The following ATP13A3 variants were observed in gnomAD, a reference collection of about 807,000 sequenced individuals.
ATP13A3 encodes ATPase 13A3, also known as polyamine-transporting ATPase 13A3.
A neutral mutation model predicts 158.1 loss-of-function variants in ATP13A3; 59 were observed. That is an observed-to-expected ratio of 0.37 (90% CI 0.30 to 0.46). The LOEUF is 0.46. ATP13A3 is among the 20% of genes least tolerant of loss of function. The probability of loss-of-function intolerance (pLI) is 1.00; values close to 1 mark genes in which losing one functional copy is unlikely to be tolerated. For synonymous variants in ATP13A3, 491 were observed against 504.3 expected, an observed-to-expected ratio of 0.97 and a Z score of 0.35; for missense variants, 1,166 against 1,525.2, an observed-to-expected ratio of 0.76 and a Z score of 3.92.
upstream of ATP13A3, among the ~76,000 whole-genome samples, chr3:194,490,047 A>G (rs1721127482): frequency 6.6e-6 from 1 of 152,166 alleles, no homozygotes; most frequent in African/African-American, 2.4e-5. This position sits in a 1 kb window ranked among gnomAD's most constrained non-coding sequence, Gnocchi z 4.4. Flanking sequence ...GGTAACAGTC[A>G]TACCAGTAAG....
chr3:194,443,723 G>T (rs898729901), intron 15 of ATP13A3, among the ~76,000 whole-genome samples: 26 of 152,040 alleles, frequency 1.7e-4, no homozygotes, highest in African/African-American at 6.3e-4. Context: ...GACAGGGGGA[G>T]GGGGGAAGAC....
intron 6 of ATP13A3, among the ~76,000 whole-genome samples, chr3:194,458,185 G>A (rs1719376491): frequency 6.6e-6 from 1 of 151,936 alleles, no homozygotes; most frequent in Non-Finnish European, 1.5e-5. Context: ...TTTCCACATA[G>A]GAAAGCTAAG....
chr3:194,459,547 G>C lies in ATP13A3; in HGVS notation c.409-6C>G. 1 of 1,596,842 alleles carries C rather than the reference G, an allele frequency of 6.3e-7. No individual in the cohort carries two copies. The highest frequency in any genetic ancestry group is 8.6e-7 in the Non-Finnish European group (1 of 1,165,568). On this transcript the variant is annotated splice_polypyrimidine_tract_variant and splice_region_variant and intron_variant, in intron 5 of 33. Coordinates refer to ENST00000645319, the MANE Select transcript of ATP13A3 (RefSeq NM_001367549.1). ...TGGTGGGTGAAATAACGAATCTGTGGAACACAAATAAACGTTACACCAAAA... is the reference window on the plus strand; with the variant it reads ...TGGTGGGTGAAATAACGAATCTGTGCAACACAAATAAACGTTACACCAAAA...
At chr3:194,475,706 T>TA (rs1426352836) in intron 2 of ATP13A3, among the ~76,000 whole-genome samples, 2 of 151,984 alleles carry the variant, frequency 1.3e-5, no homozygotes, top group Admixed American at 6.6e-5. Flanking sequence ...ATCCAGGATT[T>TA]AAAAAAAACC....
In ATP13A3 at chr3:194,431,190, C is replaced by T. The variant is rs1372420689; in HGVS notation, c.2458G>A (p.Asp820Asn). 6.8e-6 allele frequency: 11 copies of T among 1,613,656 alleles called. No individual in the cohort carries two copies. Among genetic ancestry groups the T allele is most frequent in the Non-Finnish European group, 9.3e-6 (11 of 1,179,616 alleles). ...AAATGATAACGAGTCATTTGAAGAT[C>T]CTCTAAGCTATCATGGACCAATTTA... The part of the protein sequence containing the change: ...PVKLVHDSLE[D>N]LQMTRYHFAM... The change falls in exon 23 of 34, where the codon GAT becomes AAT. Residue 820 changes from aspartate (D) to asparagine (N), a missense_variant. Asp to Asn is a conservative substitution (Grantham distance 23). Around this residue, in one of 3 missense-constraint regions of ATP13A3, gnomAD observed 997 missense variants for 1,341.2 expected, o/e 0.74. Coordinates refer to ENST00000645319, the MANE Select transcript of ATP13A3 (RefSeq NM_001367549.1).
At chr3:194,432,041 T>C in intron 21 of ATP13A3, 149 bp from the exon 22 acceptor site, 1 of 632,192 alleles carries the variant, frequency 1.6e-6, no homozygotes, top group Non-Finnish European at 2.4e-6. Flanking sequence ...AGTTTAAAAA[T>C]AACAAAATTG....
At chr3:194,440,935 A>G (rs7650812) in intron 16 of ATP13A3, among the ~76,000 whole-genome samples, 14,039 of 152,272 alleles carry the variant, frequency 0.092, 977 homozygotes, top group African/African-American at 0.19. Flanking sequence ...AAGACAGGTA[A>G]AAAAGAGCAA....
chr3:194,410,961 TG>T (rs1437359471), intron 33 of ATP13A3, among the ~76,000 whole-genome samples: 2,309 of 151,256 alleles, frequency 0.015, 67 homozygotes, highest in African/African-American at 0.054. Context: ...TGTGTGTGTG[TG>T]TGTGTGTGTA....
At chr3:194,466,914 C>T (rs1042606289) in intron 2 of ATP13A3, among the ~76,000 whole-genome samples, 4 of 152,220 alleles carry the variant, frequency 2.6e-5, no homozygotes, top group African/African-American at 9.6e-5. Context: ...ATTTCTGGCA[C>T]AGAGGGCCAC....
chr3:194,462,949 C>T (rs1474673733), intron 2 of ATP13A3, among the ~76,000 whole-genome samples: 1 of 152,178 alleles, frequency 6.6e-6, no homozygotes, highest in Admixed American at 6.5e-5. Context: ...TCCACAGATT[C>T]AGAAGTAGTG....
At chr3:194,431,345 T>G in intron 22 of ATP13A3, 119 bp from the exon 23 acceptor site, 1 of 1,196,632 alleles carries the variant, frequency 8.4e-7, no homozygotes, top group Non-Finnish European at 1.1e-6. Context: ...CACAACATGA[T>G]GAAAGCCGGA....
rs896150381 is a variant in ATP13A3 at position 194,403,918 on chromosome 3, G to C, written c.*2001C>G. The C allele has an allele frequency of 4.0e-5, 4 of 98,888 alleles. No individual in the cohort carries two copies. The highest frequency in any genetic ancestry group is 3.5e-4 in the Admixed American group (3 of 8,632). 6.1% of individuals were successfully genotyped at this position (98,888 alleles called of 1,614,324 possible). A position where few individuals can be genotyped will look rare whatever the true frequency, so the allele number is the denominator to read the frequency against. Reference sequence around the variant, plus strand: ...TACTAACTCTAAATGTTAAAAAAGTGGGGGGGGGGTGTCAAAAATAGCTCT... The same window carrying C: ...TACTAACTCTAAATGTTAAAAAAGTCGGGGGGGGGTGTCAAAAATAGCTCT... On this transcript the variant is annotated 3_prime_UTR_variant, in exon 34 of 34. Transcript: ENST00000645319.
chr3:194,468,386 T>TAAAAAAAAA lies in ATP13A3; in HGVS notation c.-46-6159_-46-6151dup, dbSNP rs35011462. 2.7e-5 allele frequency: 3 copies of TAAAAAAAAA among 111,878 alleles called. 1 individual carries two copies. The highest frequency in any genetic ancestry group is 1.2e-4 in the African/African-American group (3 of 25,410). The allele number at this position is 111,878 out of a possible 1,614,324, so 6.9% of individuals were successfully genotyped here. A position where few individuals can be genotyped will look rare whatever the true frequency, so the allele number is the denominator to read the frequency against. Reference sequence around the variant, plus strand: ...ATAAACTTGATTTGCTGTGTGAGTTTAAAAAAAAAAAAAAAAAAACAGTAT... The same window carrying TAAAAAAAAA: ...ATAAACTTGATTTGCTGTGTGAGTTTAAAAAAAAAAAAAAAAAAAAAAAAAAAACAGTAT... On this transcript the variant is annotated intron_variant, in intron 2 of 33. Transcript: ENST00000645319.
intron 8 of ATP13A3, 79 bp from the exon 9 acceptor site, chr3:194,454,471 CAA>C: frequency 1.5e-6 from 2 of 1,355,260 alleles, no homozygotes; most frequent in Non-Finnish European, 2.1e-6. Flanking sequence ...ATTTGACAAA[CAA>C]AAAGATACAA....
intron 21 of ATP13A3, among the ~76,000 whole-genome samples, chr3:194,432,380 C>A (rs1343453057): frequency 6.6e-6 from 1 of 152,134 alleles, no homozygotes; most frequent in East Asian, 1.9e-4. Context: ...ACAAGAGAGA[C>A]AACTTCTCAG....
chr3:194,473,971 G>A (rs1022389155), intron 2 of ATP13A3, among the ~76,000 whole-genome samples: 62 of 152,224 alleles, frequency 4.1e-4, no homozygotes, highest in African/African-American at 1.4e-3. Context: ...CAAACAGAAA[G>A]GTGTAAGATA....
intron 27 of ATP13A3, 114 bp from the exon 28 acceptor site, chr3:194,429,031 C>A: frequency 1.7e-6 from 1 of 573,918 alleles, no homozygotes. Context: ...AAATGACACT[C>A]GGACCTGCTT....
intron 2 of ATP13A3, among the ~76,000 whole-genome samples, chr3:194,483,426 C>CAAAAAAA (rs1228588078): frequency 1.3e-4 from 16 of 120,388 alleles, no homozygotes; most frequent in South Asian, 2.8e-4. Context: ...CCCACCTCTA[C>CAAAAAAA]AAAAAAAAAA....
intron 2 of ATP13A3, among the ~76,000 whole-genome samples, chr3:194,485,145 A>C (rs992208021): frequency 6.6e-6 from 1 of 152,200 alleles, no homozygotes; most frequent in Non-Finnish European, 1.5e-5. Context: ...TTGTTCTAAC[A>C]AGGCTCAAAA....
Sources: gnomAD v4.1 joint callset for allele counts (sites outside exome capture counted in the v4.1 genomes callset) on GRCh38, gnomAD v4.1.1 for gene constraint, gnomAD v4.1.1 regional missense constraint, Gnocchi (gnomAD v3.1) non-coding constraint, MANE v1.5 for transcripts, NCBI Gene and HGNC (gene_info 2026-07-23, HGNC 2026-07-21) for gene names.